The following ABR variants were observed in gnomAD, a reference collection of about 807,000 sequenced individuals.
ABR encodes active breakpoint cluster region-related protein.
ABR carries 35 observed loss-of-function variants against 107.2 expected under a neutral mutation model. The observed-to-expected ratio is 0.33, with a 90% CI of 0.25 to 0.43. The LOEUF (loss-of-function observed/expected upper bound fraction) is 0.43. ABR is among the 20% of genes least tolerant of loss of function. The probability of loss-of-function intolerance (pLI) is 1.00; values close to 1 mark genes in which losing one functional copy is unlikely to be tolerated. For missense variants in ABR, 815 were observed against 1,115.2 expected (o/e 0.73, Z 3.83); for synonymous variants, 498 against 462.0 (o/e 1.08, Z -1.00).
At chr17:1,009,922 G>A (rs2070391244) in intron 20 of ABR, 138 bp from the exon 21 acceptor site, 13 of 711,494 alleles carry the variant, frequency 1.8e-5, no homozygotes, top group Admixed American at 7.6e-5. Flanking sequence ...ACAGGGGAGG[G>A]CCTGGTGTCT....
intron 16 of ABR, among the ~76,000 whole-genome samples, chr17:1,031,140 T>C (rs1477506922): frequency 6.6e-6 from 1 of 151,892 alleles, no homozygotes; most frequent in African/African-American, 2.4e-5. Flanking sequence ...CCCGGCAGCA[T>C]CTCCCCTCCC....
chr17:1,213,340 G>A (rs186622854), intron 1 of ABR, among the ~76,000 whole-genome samples: 277 of 152,322 alleles, frequency 1.8e-3, no homozygotes, highest in Middle Eastern at 3.4e-3. Context: ...CCATAGTTTA[G>A]GTGACTAAGC....
Position 1,037,909 on chromosome 17 carries a change from A to T in ABR, c.1791+12141T>A, listed in dbSNP as rs772708232. Among the ~76,000 whole-genome samples the T allele has an allele frequency of 8.1e-4, 124 of 152,172 alleles. No individual in the cohort carries two copies. The highest frequency in any genetic ancestry group is 3.2e-3 in the Middle Eastern group (1 of 316). On this transcript the variant is annotated intron_variant, in intron 16 of 22. Coordinates refer to ENST00000302538, the MANE Select transcript of ABR (RefSeq NM_021962.5). This position sits in a 1 kb window ranked among gnomAD's most constrained non-coding sequence, Gnocchi z 4.6. Reference sequence around the variant, plus strand: ...GTTTTTCTCTGGGTTCAGTTTCCACAGCTGTCAAATCAGGAGCTCGGAACA... The same window carrying T: ...GTTTTTCTCTGGGTTCAGTTTCCACTGCTGTCAAATCAGGAGCTCGGAACA...
intron 3 of ABR, among the ~76,000 whole-genome samples, chr17:1,096,461 G>A (rs1476325428): frequency 6.6e-6 from 1 of 152,178 alleles, no homozygotes; most frequent in Admixed American, 6.5e-5. Flanking sequence ...CTGAGGGGTG[G>A]GGAGGGTGCA....
At position 1,167,315 on chromosome 17, in the gene ABR, TA is replaced by T. The variant is rs748023347; in HGVS notation, c.61+12351del. Among the ~76,000 whole-genome samples, 1,016 of 152,136 alleles carry T rather than the reference TA, an allele frequency of 6.7e-3. 4 individuals carry two copies. The highest frequency in any genetic ancestry group is 0.012 in the Non-Finnish European group (794 of 67,996). ...TGCTGGATCCAGACACCCAGAGCCC[TA>T]GAGCACTTCGTCTCTTCATAGCCAC... is the stretch of plus-strand genomic sequence containing the variant. On this transcript the variant is annotated intron_variant, in intron 1 of 22. Transcript: ENST00000302538.
chr17:1,006,266 C>T, intron 22 of ABR, 97 bp from the exon 23 acceptor site: 1 of 1,107,308 alleles, frequency 9.0e-7, no homozygotes, highest in East Asian at 2.6e-5. Flanking sequence ...CCTAGACTGG[C>T]TCCGGCCACC....
At chr17:1,164,952 T>C (rs1211718101) in intron 1 of ABR, among the ~76,000 whole-genome samples, 1 of 152,212 alleles carries the variant, frequency 6.6e-6, no homozygotes, top group East Asian at 1.9e-4. Flanking sequence ...GATATACTTA[T>C]ATTTAAAAAT....
chr17:1,170,368 G>A (rs933196017), intron 1 of ABR, among the ~76,000 whole-genome samples: 3 of 152,078 alleles, frequency 2.0e-5, no homozygotes, highest in Non-Finnish European at 4.4e-5. Flanking sequence ...TTTACAGCAG[G>A]GCCAACCGAG....
intron 1 of ABR, among the ~76,000 whole-genome samples, chr17:1,144,626 T>C (rs1433334191): frequency 6.7e-6 from 1 of 149,772 alleles, no homozygotes; most frequent in Non-Finnish European, 1.5e-5. Context: ...GCTCAGTGGC[T>C]CACGCCTGCA....
At chr17:1,212,651 A>C (rs1409105590) in intron 1 of ABR, among the ~76,000 whole-genome samples, 1 of 152,210 alleles carries the variant, frequency 6.6e-6, no homozygotes, top group Non-Finnish European at 1.5e-5. Context: ...GCACTTTGGG[A>C]GGCCGAGGCC....
chr17:1,031,702 C>T (rs1471466604), intron 16 of ABR: 7 of 1,250,666 alleles, frequency 5.6e-6, no homozygotes, highest in African/African-American at 1.6e-5. Flanking sequence ...TCGCGCCCCG[C>T]CTTCGGGCTG....
rs1480789760 is a variant in ABR at position 1,004,383 on chromosome 17, TCA to T, written c.*1695_*1696del. 6.6e-6 allele frequency: 1 copy of T among 152,588 alleles called. No homozygotes were observed. The highest frequency in any genetic ancestry group is 2.4e-5 in the African/African-American group (1 of 41,466). 9.5% of individuals were successfully genotyped at this position (152,588 alleles called of 1,614,324 possible). ...AGTAAACAGGCTCAAAAAGGGCCTC[TCA>T]CCGCGCACGCGCTGCAGCGTTAGGG... is the stretch of plus-strand genomic sequence containing the variant. On this transcript the variant is annotated 3_prime_UTR_variant, in exon 23 of 23. Transcript: ENST00000302538.
At chr17:1,031,049 G>T (rs539606893) in intron 16 of ABR, among the ~76,000 whole-genome samples, 2 of 152,326 alleles carry the variant, frequency 1.3e-5, no homozygotes, top group South Asian at 4.1e-4. Context: ...CCTGGCACAT[G>T]GACGGAACGC....
At chr17:1,124,034 CT>C (rs1341602383) in intron 2 of ABR, among the ~76,000 whole-genome samples, 1 of 152,214 alleles carries the variant, frequency 6.6e-6, no homozygotes, top group East Asian at 1.9e-4. Flanking sequence ...TAAACTCGGC[CT>C]CGGCCTCTGT....
chr17:1,092,899 C>T lies in ABR; in HGVS notation c.346-1049G>A, dbSNP rs1212818504. Among the ~76,000 whole-genome samples the T allele has an allele frequency of 8.6e-4, 31 of 36,054 alleles. No homozygotes were observed. Among genetic ancestry groups the T allele is most frequent in the African/African-American group, 2.4e-3 (26 of 10,772 alleles). 23.7% of individuals were successfully genotyped at this position (36,054 alleles called of 152,430 possible). A position where few individuals can be genotyped will look rare whatever the true frequency, so the allele number is the denominator to read the frequency against. On this transcript the variant is annotated intron_variant, in intron 3 of 22. Coordinates refer to ENST00000302538, the MANE Select transcript of ABR (RefSeq NM_021962.5). This position sits in a 1 kb window ranked among gnomAD's most constrained non-coding sequence, Gnocchi z 4.6. ...AGGCTGGAGTGCAGTGGTGCGATCT[C>T]GGCTCCGCCTCCCGGGTTCACGCCA... is the stretch of plus-strand genomic sequence containing the variant.
chr17:1,065,481 G>A lies in ABR; in HGVS notation c.1182+1596C>T, dbSNP rs62067870. Among the ~76,000 whole-genome samples the A allele has an allele frequency of 5.6e-4, 29 of 51,408 alleles. 1 individual carries two copies. The highest frequency in any genetic ancestry group is 2.1e-3 in the East Asian group (4 of 1,908). 33.7% of individuals were successfully genotyped at this position (51,408 alleles called of 152,430 possible). A position where few individuals can be genotyped will look rare whatever the true frequency, so the allele number is the denominator to read the frequency against. On this transcript the variant is annotated intron_variant, in intron 10 of 22. Transcript: ENST00000302538. ...GAGGGCTATGCATGTTCCTCTAGAC[G>A]CTGTTGTTATGTGAACTGAGGGCTA...
chr17:1,142,266 A>G (rs1287005468), intron 1 of ABR, among the ~76,000 whole-genome samples: 1 of 151,992 alleles, frequency 6.6e-6, no homozygotes, highest in Non-Finnish European at 1.5e-5. Context: ...GGGACACTGA[A>G]GTGAGCGTCT....
At chr17:1,086,851 A>G (rs931798839) in intron 4 of ABR, among the ~76,000 whole-genome samples, 1 of 152,012 alleles carries the variant, frequency 6.6e-6, no homozygotes, top group Non-Finnish European at 1.5e-5. Context: ...ACACACACCT[A>G]TAGCCCTCGC....
rs190527648 is a variant in ABR at position 1,142,272 on chromosome 17, C to T, written c.62-16905G>A. 7.9e-5 allele frequency among the ~76,000 whole-genome samples: 12 copies of T among 152,060 alleles called. No homozygotes were observed. In the South Asian group the frequency reaches 1.0e-3, roughly 13 times the overall value. On this transcript the variant is annotated intron_variant, in intron 1 of 22. Transcript: ENST00000302538. The stretch of plus-strand genomic sequence containing the variant: ...GTTCAGACAGGGACACTGAAGTGAG[C>T]GTCTTTACAACCAAATGGAACTAAG...
Sources: allele counts gnomAD v4.1 joint callset (sites outside exome capture counted in the v4.1 genomes callset), GRCh38; gene constraint gnomAD v4.1.1; non-coding constraint Gnocchi (gnomAD v3.1); transcripts MANE v1.5; gene names NCBI Gene and HGNC (gene_info 2026-07-23, HGNC 2026-07-21).